The following PGC variants were observed in gnomAD, a reference collection of about 807,000 sequenced individuals.
PGC encodes the protein progastricsin.
In PGC, 31 loss-of-function variants were observed where a neutral mutation model predicts 45.9. The ratio of observed to expected loss-of-function variants is 0.67; its 90% CI spans 0.51 to 0.91. The LOEUF is 0.91. Among genes scored for constraint, PGC ranks in the 40% least tolerant of loss-of-function variants. The pLI is 0.00. For missense variants in PGC, 477 were observed against 493.2 expected (o/e 0.97, Z 0.31); for synonymous variants, 192 against 201.8 (o/e 0.95, Z 0.41).
In PGC at chr6:41,744,417, T is replaced by C; in HGVS notation, c.308A>G (p.Tyr103Cys). The change falls in exon 3 of 9, where the codon TAC becomes TGC. Residue 103 changes from tyrosine to cysteine, a missense_variant. Physicochemically the swap from Tyr to Cys is radical, Grantham distance 194 (BLOSUM62 -2). Coordinates refer to ENST00000373025, the MANE Select transcript of PGC (RefSeq NM_002630.4). The surrounding 1 kb of genome is among the most constrained non-coding windows in gnomAD (Gnocchi z 4.4). Reference sequence around the variant, plus strand: ...CTCACTGCAGGCCTGGCTCTGGCAGTAGACAGAGGGCACCCACAAGTTGGA... The same window carrying C: ...CTCACTGCAGGCCTGGCTCTGGCAGCAGACAGAGGGCACCCACAAGTTGGA... ...GSSNLWVPSV[Y>C]CQSQACTSHS... 1 of 1,611,620 alleles carries C rather than the reference T, an allele frequency of 6.2e-7. No homozygotes were observed. Among genetic ancestry groups the C allele is most frequent in the Non-Finnish European group, 8.5e-7 (1 of 1,178,948 alleles).
Position 41,739,826 on chromosome 6 carries a change from T to C in PGC, c.888A>G (p.Thr296=), listed in dbSNP as rs151253133. Residue 296 remains threonine, a synonymous_variant, in exon 7 of 9, where the codon ACA becomes ACG. Transcript: ENST00000373025. Reference sequence around the variant, plus strand: ...GTCCATACTCATCCTCCTGGGCCCCTGTGGCCTGCAGAAGAGCACTCATGT... The same window carrying C: ...GTCCATACTCATCCTCCTGGGCCCCCGTGGCCTGCAGAAGAGCACTCATGT... ...QQYMSALLQA[T]GAQEDEYGQF... is the part of the protein sequence containing the mutation. 112 of 1,613,822 alleles carry C rather than the reference T, an allele frequency of 6.9e-5. No individual in the cohort carries two copies. Among genetic ancestry groups the C allele is most frequent in the Non-Finnish European group, 8.9e-5 (105 of 1,179,906 alleles).
rs569491788 is a variant in PGC at position 41,743,821 on chromosome 6, A to G, written c.329-432T>C. Among the ~76,000 whole-genome samples, 3 of 152,340 alleles carry G rather than the reference A, an allele frequency of 2.0e-5. No individual in the cohort carries two copies. The South Asian group carries it at 6.2e-4, about 32-fold the overall frequency. On this transcript the variant is annotated intron_variant, in intron 3 of 8. Coordinates refer to ENST00000373025, the MANE Select transcript of PGC (RefSeq NM_002630.4). ...CTTCACTCATCAAGAAGCCAGTCAT[A>G]ACATAGGGTGGGGACATCAAGGGAC...
At chr6:41,737,079 G>C (rs1771699402) in intron 8 of PGC, 75 bp from the exon 9 acceptor site, 1 of 1,430,882 alleles carries the variant, frequency 7.0e-7, no homozygotes, top group Admixed American at 2.3e-5. Context: ...CTGAGCCCTG[G>C]GCTGGGAGCA....
At position 41,740,844 on chromosome 6, in the gene PGC, C is replaced by T. The variant is rs1272353435; in HGVS notation, c.648-234G>A. On this transcript the variant is annotated intron_variant, in intron 5 of 8. Transcript: ENST00000373025. ...CCCTTAGACTGGGCCTCCCTGAGGACGAGTCTGTGTCTCCCTCAGACTGGG... is the reference window on the plus strand; with the variant it reads ...CCCTTAGACTGGGCCTCCCTGAGGATGAGTCTGTGTCTCCCTCAGACTGGG... The T allele has an allele frequency of 4.2e-6, 6 of 1,426,362 alleles. No homozygotes were observed. In the African/African-American group the frequency reaches 4.3e-5, roughly 10 times the overall value. The allele number at this position is 1,426,362 out of a possible 1,614,324, so 88.4% of individuals were successfully genotyped here.
Position 41,744,452 on chromosome 6 carries a change from G to A in PGC, c.273C>T (p.Asp91=), listed in dbSNP as rs764858123. The A allele has an allele frequency of 4.3e-6, 7 of 1,613,700 alleles. No individual in the cohort carries two copies. The South Asian group carries it at 7.7e-5, about 18-fold the overall frequency. The stretch of plus-strand genomic sequence containing the variant: ...GCACCCACAAGTTGGAGGAGCCGGT[G>A]TCAAAAAGGACCAGGAAGTTCTGGG... The part of the protein sequence containing the change: ...TPPQNFLVLF[D]TGSSNLWVPS... Residue 91 remains aspartate, a synonymous_variant, in exon 3 of 9, where the codon GAC becomes GAT. Coordinates refer to ENST00000373025, the MANE Select transcript of PGC (RefSeq NM_002630.4). The surrounding 1 kb of genome is among the most constrained non-coding windows in gnomAD (Gnocchi z 4.4).
At position 41,744,973 on chromosome 6, in the gene PGC, CTGTCTCTG is replaced by C. The variant is rs1393225431; in HGVS notation, c.60-173_60-166del. 2.3e-5 allele frequency among the ~76,000 whole-genome samples: 1 copy of C among 43,038 alleles called. No individual in the cohort carries two copies. Among genetic ancestry groups the C allele is most frequent in the African/African-American group, 4.9e-5 (1 of 20,342 alleles). 28.2% of individuals were successfully genotyped at this position (43,038 alleles called of 152,430 possible). A position where few individuals can be genotyped will look rare whatever the true frequency, so the allele number is the denominator to read the frequency against. ...TTTCTCTCTCTCAGCCTTTTGCTCT[CTGTCTCTG>C]TCTGTCTGTCTCTCTGTGTGTGTGT... is the stretch of plus-strand genomic sequence containing the variant. On this transcript the variant is annotated intron_variant, in intron 1 of 8. Coordinates refer to ENST00000373025, the MANE Select transcript of PGC (RefSeq NM_002630.4). This position sits in a 1 kb window ranked among gnomAD's most constrained non-coding sequence, Gnocchi z 4.4.
Position 41,744,278 on chromosome 6 carries a change from G to C in PGC, c.328+119C>G. The C allele has an allele frequency of 1.5e-6, 1 of 658,034 alleles. No homozygotes were observed. The highest frequency in any genetic ancestry group is 2.2e-5 in the South Asian group (1 of 46,280). 40.8% of individuals were successfully genotyped at this position (658,034 alleles called of 1,614,324 possible). A position where few individuals can be genotyped will look rare whatever the true frequency, so the allele number is the denominator to read the frequency against. On this transcript the variant is annotated intron_variant, in intron 3 of 8. Coordinates refer to ENST00000373025, the MANE Select transcript of PGC (RefSeq NM_002630.4). This position sits in a 1 kb window ranked among gnomAD's most constrained non-coding sequence, Gnocchi z 4.4. ...CTGTGTGGCCCTGCACATGTCCCTG[G>C]TCCTCCCCAGGACTGAGCTCCCCTC...
Position 41,744,997 on chromosome 6 carries a change from G to GTCTCTC in PGC, c.60-190_60-189insGAGAGA. On this transcript the variant is annotated intron_variant, in intron 1 of 8. Coordinates refer to ENST00000373025, the MANE Select transcript of PGC (RefSeq NM_002630.4). The surrounding 1 kb of genome is among the most constrained non-coding windows in gnomAD (Gnocchi z 4.4). ...TCTGTCTCTGTCTGTCTGTCTCTCT[G>GTCTCTC]TGTGTGTGTGTGTGTGTGCGCGCGC... Among the ~76,000 whole-genome samples the GTCTCTC allele has an allele frequency of 1.2e-5, 1 of 81,268 alleles. No homozygotes were observed. The highest frequency in any genetic ancestry group is 3.4e-4 in the South Asian group (1 of 2,942). 53.3% of individuals were successfully genotyped at this position (81,268 alleles called of 152,430 possible).
Position 41,739,955 on chromosome 6 carries a change from G to C in PGC, c.768-9C>G. 1 of 1,612,824 alleles carries C rather than the reference G, an allele frequency of 6.2e-7. No homozygotes were observed. The highest frequency in any genetic ancestry group is 8.5e-7 in the Non-Finnish European group (1 of 1,179,328). On this transcript the variant is annotated splice_polypyrimidine_tract_variant and intron_variant, in intron 6 of 8. Coordinates refer to ENST00000373025, the MANE Select transcript of PGC (RefSeq NM_002630.4). Reference sequence around the variant, plus strand: ...GGCCGCCGATGAGGAACCTGTATGGGGAGAAGACAGGCAGCCTCAGGACTC... The same window carrying C: ...GGCCGCCGATGAGGAACCTGTATGGCGAGAAGACAGGCAGCCTCAGGACTC...
intron 5 of PGC, chr6:41,741,026 C>T (rs1304290257): frequency 2.0e-6 from 3 of 1,536,610 alleles, no homozygotes; most frequent in African/African-American, 1.4e-5. Flanking sequence ...TGGTTGGGAC[C>T]CCCAGCCCAC....
intron 5 of PGC, chr6:41,740,838 T>A (rs1213680360): frequency 1.4e-6 from 2 of 1,427,692 alleles, no homozygotes; most frequent in Non-Finnish European, 1.8e-6. Flanking sequence ...TGGGCCTCCC[T>A]GAGGACGAGT....
chr6:41,737,498 G>C (rs1771707912), intron 8 of PGC, among the ~76,000 whole-genome samples: 1 of 152,158 alleles, frequency 6.6e-6, no homozygotes, highest in Non-Finnish European at 1.5e-5. Flanking sequence ...GCTCAACAAA[G>C]AGCCCAGTGC....
At chr6:41,742,599 C>G (rs555741267) in intron 4 of PGC, 110 bp from the exon 5 acceptor site, 1 of 775,988 alleles carries the variant, frequency 1.3e-6, no homozygotes, top group Admixed American at 2.2e-5. Flanking sequence ...ACCTCTGCCC[C>G]CTTCTTTTTT....
chr6:41,742,492 A>G lies in PGC; in HGVS notation c.448-3T>C, dbSNP rs1771848504. ...TTGGGGACCTGGATGCTCTGGACCT[A>G]ATGGAGACACAAACGAGGGGAGGTG... On this transcript the variant is annotated splice_polypyrimidine_tract_variant and splice_region_variant and intron_variant, in intron 4 of 8. Transcript: ENST00000373025. 6.2e-7 allele frequency: 1 copy of G among 1,613,666 alleles called. No homozygotes were observed. The highest frequency in any genetic ancestry group is 1.7e-5 in the Admixed American group (1 of 60,022).
At chr6:41,738,216 A>ATATATATGCATATATATACG (rs1771746730) in intron 7 of PGC, among the ~76,000 whole-genome samples, 1 of 33,426 alleles carries the variant, frequency 3.0e-5, no homozygotes, top group African/African-American at 1.0e-4. Flanking sequence ...ATATATATGC[A>ATATATATGCATATATATACG]TATATATATG....
chr6:41,741,950 T>C (rs1771833973), intron 5 of PGC: 1 of 870,512 alleles, frequency 1.1e-6, no homozygotes, highest in Non-Finnish European at 1.8e-6. Flanking sequence ...CCCCACCCGC[T>C]TCTCCACCAG....
At chr6:41,747,238 C>T (rs1201707409) in intron 1 of PGC, 38 bp downstream of exon 1, 3 of 1,590,746 alleles carry the variant, frequency 1.9e-6, no homozygotes, top group Non-Finnish European at 8.6e-7. Context: ...AGGCTCCCAT[C>T]CAGGCTCCCT....
In PGC at chr6:41,739,932, C is replaced by T; in HGVS notation, c.782G>A (p.Gly261Asp). The change falls in exon 7 of 9, where the codon GGC becomes GAC. Residue 261 changes from glycine to aspartate, a missense_variant. Physicochemically the swap from Gly to Asp is moderately conservative, Grantham distance 94. Coordinates refer to ENST00000373025, the MANE Select transcript of PGC (RefSeq NM_002630.4). ...QIGIEEFLIG[G>D]QASGWCSEGC... The stretch of plus-strand genomic sequence containing the variant: ...CTCAGAACACCAGCCGGAGGCCTGG[C>T]CGCCGATGAGGAACCTGTATGGGGA... The T allele has an allele frequency of 6.2e-7, 1 of 1,613,964 alleles. No homozygotes were observed. The highest frequency in any genetic ancestry group is 1.3e-5 in the African/African-American group (1 of 75,054).
chr6:41,740,719 G>A (rs1262043714), intron 5 of PGC, 109 bp from the exon 6 acceptor site: 1 of 1,487,220 alleles, frequency 6.7e-7, no homozygotes, highest in African/African-American at 1.4e-5. Context: ...ATCCAGACGG[G>A]GGCTCCCTGA....
Sources: allele counts gnomAD v4.1 joint callset (sites outside exome capture counted in the v4.1 genomes callset), GRCh38; gene constraint gnomAD v4.1.1; non-coding constraint Gnocchi (gnomAD v3.1); transcripts MANE v1.5; gene names NCBI Gene and HGNC (gene_info 2026-07-23, HGNC 2026-07-21).